EAF2: variants seen among roughly 807,000 people sequenced by gnomAD.
The protein encoded by EAF2 is ELL associated factor 2.
A neutral mutation model predicts 29.4 loss-of-function variants in EAF2; 29 were observed. The observed-to-expected ratio is 0.99, with a 90% confidence interval of 0.73 to 1.35. EAF2 has a LOEUF of 1.35. EAF2 is among the 40% of genes most tolerant of loss of function. EAF2 has a pLI of 0.00. For synonymous variants in EAF2, 103 were observed against 102.5 expected (o/e 1.00, Z -0.03); for missense variants, 292 against 312.0 (o/e 0.94, Z 0.48).
intron 5 of EAF2, among the ~76,000 whole-genome samples, chr3:121,885,658 C>T (rs910225591): frequency 6.6e-6 from 1 of 152,146 alleles, no homozygotes; most frequent in South Asian, 2.1e-4. Flanking sequence ...TTGGCCTGGT[C>T]ACTTCACCTC....
chr3:121,854,217 G>A (rs1362485725), intron 2 of EAF2, among the ~76,000 whole-genome samples: 1 of 151,242 alleles, frequency 6.6e-6, no homozygotes, highest in Admixed American at 6.6e-5. Context: ...TCTGGAGGCT[G>A]AGGCAGGAGA....
intron 2 of EAF2, among the ~76,000 whole-genome samples, chr3:121,846,399 C>G (rs1450779123): frequency 1.3e-5 from 2 of 152,170 alleles, no homozygotes; most frequent in Non-Finnish European, 1.5e-5. Flanking sequence ...TTGTATTACT[C>G]TGTTATGAAA....
intron 2 of EAF2, among the ~76,000 whole-genome samples, chr3:121,851,216 C>T (rs981359974): frequency 1.3e-5 from 2 of 152,124 alleles, no homozygotes; most frequent in African/African-American, 4.8e-5. Flanking sequence ...TTCATTCTGC[C>T]ACTCAGGCTG....
chr3:121,880,973 A>G (rs1418549917), intron 5 of EAF2, among the ~76,000 whole-genome samples: 2 of 152,120 alleles, frequency 1.3e-5, no homozygotes, highest in Admixed American at 6.5e-5. Context: ...TTCTGCATCT[A>G]TTGAGATAAT....
intron 5 of EAF2, among the ~76,000 whole-genome samples, chr3:121,881,250 C>A (rs1202000660): frequency 6.6e-6 from 1 of 152,118 alleles, no homozygotes; most frequent in African/African-American, 2.4e-5. Context: ...AGAATTCTCA[C>A]CTCTTCAGTT....
chr3:121,882,787 G>GT (rs55645396), intron 5 of EAF2, among the ~76,000 whole-genome samples: 85,083 of 145,976 alleles, frequency 0.58, 25,976 homozygotes, highest in East Asian at 0.76. Context: ...GGAGGTGGTG[G>GT]TTTTTTTTTT....
intron 4 of EAF2, among the ~76,000 whole-genome samples, chr3:121,865,070 G>T (rs142690028): frequency 5.9e-5 from 9 of 152,136 alleles, no homozygotes; most frequent in Non-Finnish European, 1.3e-4. Flanking sequence ...TTTAATAGAG[G>T]CCTTAATAAA....
chr3:121,849,863 T>C (rs781764806), intron 2 of EAF2, among the ~76,000 whole-genome samples: 5 of 151,682 alleles, frequency 3.3e-5, no homozygotes, highest in African/African-American at 4.8e-5. Flanking sequence ...CTTTAATTAT[T>C]ACAAAATAAC....
intron 1 of EAF2, among the ~76,000 whole-genome samples, chr3:121,837,247 T>C (rs1708320320): frequency 6.6e-6 from 1 of 152,186 alleles, no homozygotes. Flanking sequence ...CTGTTTATTA[T>C]TCTTGAGGAC....
At chr3:121,880,550 T>C (rs985901577) in intron 5 of EAF2, among the ~76,000 whole-genome samples, 1 of 151,900 alleles carries the variant, frequency 6.6e-6, no homozygotes. Context: ...TTTATAGAAA[T>C]GCCAATAATT....
At chr3:121,849,427 A>G (rs1708588189) in intron 2 of EAF2, among the ~76,000 whole-genome samples, 1 of 152,146 alleles carries the variant, frequency 6.6e-6, no homozygotes. Flanking sequence ...AAAATTTCAA[A>G]GTGTCGAATT....
chr3:121,839,864 T>TA (rs1237345060), intron 1 of EAF2, among the ~76,000 whole-genome samples: 1 of 152,268 alleles, frequency 6.6e-6, no homozygotes, highest in South Asian at 2.1e-4. Context: ...TACTATGCTT[T>TA]AAAAAATTAC....
intron 4 of EAF2, among the ~76,000 whole-genome samples, chr3:121,864,848 G>T (rs13319575): frequency 6.6e-6 from 1 of 151,816 alleles, no homozygotes. Flanking sequence ...TAATAATTTA[G>T]CTCTGAGCTT....
At position 121,840,736 on chromosome 3, in the gene EAF2, G is replaced by T. The variant is rs1382337863; in HGVS notation, c.107-3717G>T. Reference sequence around the variant, plus strand: ...GCAGGACAATGGCATGGACCCAGGAGCGGAAGTTGCAGTGAGCCGAGATCT... The same window carrying T: ...GCAGGACAATGGCATGGACCCAGGATCGGAAGTTGCAGTGAGCCGAGATCT... On this transcript the variant is annotated intron_variant, in intron 1 of 5. Coordinates refer to ENST00000273668, the MANE Select transcript of EAF2 (RefSeq NM_018456.6). 3.4e-5 allele frequency among the ~76,000 whole-genome samples: 5 copies of T among 146,028 alleles called. No individual in the cohort carries two copies. The East Asian group carries it at 1.0e-3, about 29-fold the overall frequency.
intron 2 of EAF2, among the ~76,000 whole-genome samples, chr3:121,848,196 G>A (rs1189899739): frequency 6.6e-6 from 1 of 152,140 alleles, no homozygotes; most frequent in Non-Finnish European, 1.5e-5. Context: ...AGCCGCCTCT[G>A]AGCAGTGTAT....
At chr3:121,863,384 C>T (rs1415613802) in intron 4 of EAF2, among the ~76,000 whole-genome samples, 1 of 152,204 alleles carries the variant, frequency 6.6e-6, no homozygotes, top group African/African-American at 2.4e-5. Context: ...TTTACCTACT[C>T]AAGTCTCAGC....
At chr3:121,842,770 T>C (rs778748898) in intron 1 of EAF2, among the ~76,000 whole-genome samples, 2 of 152,196 alleles carry the variant, frequency 1.3e-5, no homozygotes, top group Non-Finnish European at 2.9e-5. Flanking sequence ...CTTTCAACAA[T>C]TGACATTATT....
intron 4 of EAF2, among the ~76,000 whole-genome samples, chr3:121,871,866 A>G (rs1709020645): frequency 6.6e-6 from 1 of 151,952 alleles, no homozygotes; most frequent in Admixed American, 6.6e-5. Context: ...CTGGATCTTC[A>G]TTCCCTCATT....
rs1559816472 is a variant in EAF2, at chr3:121,841,521, AAAAAAAAAAAAAAAAAAAAAAAG to A, written c.107-2928_107-2906del. 5.4e-4 allele frequency among the ~76,000 whole-genome samples: 14 copies of A among 25,790 alleles called. 1 individual carries two copies. Among genetic ancestry groups the A allele is most frequent in the East Asian group, 6.5e-3 (1 of 154 alleles). 16.9% of individuals were successfully genotyped at this position (25,790 alleles called of 152,430 possible). On this transcript the variant is annotated intron_variant, in intron 1 of 5. Transcript: ENST00000273668. ...CCCTGTCTCAAAAAAAAAAAAAAAA[AAAAAAAAAAAAAAAAAAAAAAAG>A]AAAGAAAGAAAGAAAAAAGATAGAA...
Sources: allele counts gnomAD v4.1 joint callset (sites outside exome capture counted in the v4.1 genomes callset), GRCh38; gene constraint gnomAD v4.1.1; transcripts MANE v1.5; gene names NCBI Gene and HGNC (gene_info 2026-07-23, HGNC 2026-07-21).